The following STRN variants were observed in gnomAD, a reference collection of about 807,000 sequenced individuals.
The protein encoded by STRN is protein phosphatase 2 regulatory subunit B'''alpha.
In STRN, 53 loss-of-function variants were observed where a neutral mutation model predicts 96.3. That is an observed-to-expected ratio of 0.55 (90% CI 0.44 to 0.69). The LOEUF is 0.69. Among genes scored for constraint, STRN ranks in the 30% least tolerant of loss-of-function variants. The pLI is 0.00. For synonymous variants in STRN, 428 were observed against 355.9 expected (o/e 1.20, Z -2.28); for missense variants, 987 against 963.9 (o/e 1.02, Z -0.32).
intron 1 of STRN, among the ~76,000 whole-genome samples, chr2:36,950,447 C>T (rs1308491239): frequency 1.3e-5 from 2 of 152,110 alleles, no homozygotes; most frequent in Non-Finnish European, 2.9e-5. Flanking sequence ...AACTCCTGAC[C>T]TCAGGTGATC....
At chr2:36,913,376 G>C (rs1460992320) in intron 3 of STRN, among the ~76,000 whole-genome samples, 2 of 152,222 alleles carry the variant, frequency 1.3e-5, no homozygotes, top group Admixed American at 1.3e-4. Context: ...AAATGTGCCA[G>C]TCTTACCTCA....
intron 14 of STRN, 24 bp downstream of exon 14, chr2:36,857,831 CA>C (rs772671514): frequency 1.3e-6 from 2 of 1,588,416 alleles, no homozygotes; most frequent in South Asian, 2.3e-5. Context: ...GAGGATTCAG[CA>C]AAATAATTTT....
intron 7 of STRN, among the ~76,000 whole-genome samples, chr2:36,892,599 C>T (rs1341535982): frequency 6.6e-6 from 1 of 152,082 alleles, no homozygotes; most frequent in African/African-American, 2.4e-5. Flanking sequence ...GTTATTCACA[C>T]AACATGAAGA....
At chr2:36,874,191 T>G (rs537103916) in intron 10 of STRN, among the ~76,000 whole-genome samples, 28 of 149,650 alleles carry the variant, frequency 1.9e-4, no homozygotes, top group African/African-American at 5.9e-4. Flanking sequence ...GTGAACTCGG[T>G]AGGCGGAGCT....
At chr2:36,933,456 G>A (rs1281643964) in intron 1 of STRN, among the ~76,000 whole-genome samples, 1 of 152,178 alleles carries the variant, frequency 6.6e-6, no homozygotes, top group African/African-American at 2.4e-5. Flanking sequence ...AATCAAGGGA[G>A]GAATTCTGCA....
intron 1 of STRN, among the ~76,000 whole-genome samples, chr2:36,956,772 C>T (rs1009272521): frequency 5.9e-5 from 9 of 152,192 alleles, no homozygotes; most frequent in Non-Finnish European, 1.3e-4. Context: ...ACTAAATAGG[C>T]ACATCTCTTG....
intron 7 of STRN, among the ~76,000 whole-genome samples, chr2:36,889,631 G>T (rs1160371505): frequency 9.0e-6 from 1 of 111,026 alleles, no homozygotes; most frequent in East Asian, 3.1e-4. Flanking sequence ...GGGGGGTGGG[G>T]GGGAGTAGAG....
In STRN at chr2:36,916,070, T is replaced by C. The variant is rs774694267; in HGVS notation, c.412+8A>G. On this transcript the variant is annotated splice_region_variant and intron_variant, in intron 3 of 17. Coordinates refer to ENST00000263918, the MANE Select transcript of STRN (RefSeq NM_003162.4). ...TTAACACTTAAACTTCCATTAAAAT[T>C]AGCTTACCAGAATCATAGCTTGGAG... 2.5e-6 allele frequency: 4 copies of C among 1,609,524 alleles called. No homozygotes were observed. The highest frequency in any genetic ancestry group is 3.4e-6 in the Non-Finnish European group (4 of 1,177,002).
In STRN at chr2:36,869,700, C is replaced by G. The variant is rs759751534; in HGVS notation, c.1353G>C (p.Lys451Asn). The G allele has an allele frequency of 2.5e-6, 4 of 1,607,800 alleles. No homozygotes were observed. The highest frequency in any genetic ancestry group is 2.2e-5 in the South Asian group (2 of 89,664). The change falls in exon 11 of 18, where the codon AAG becomes AAC. Residue 451 changes from lysine (K) to asparagine (N), a missense_variant. Transcript: ENST00000263918. The stretch of plus-strand genomic sequence containing the variant: ...TCAATGTAAACTTAGGGTTCCATGT[C>G]TTCCTCAATGCATCTTTATTGTTTG... ...DIANNKDALR[K>N]TWNPKFTLRS...
intron 2 of STRN, among the ~76,000 whole-genome samples, chr2:36,918,326 A>G (rs1439549409): frequency 6.6e-6 from 1 of 152,122 alleles, no homozygotes; most frequent in African/African-American, 2.4e-5. Context: ...AACACACTTC[A>G]TTTACCATAA....
Position 36,840,410 on chromosome 2 carries a change from G to A in STRN, c.*9046C>T, listed in dbSNP as rs921642727. The A allele has an allele frequency of 2.6e-5, 4 of 152,094 alleles. No homozygotes were observed. The highest frequency in any genetic ancestry group is 9.7e-5 in the African/African-American group (4 of 41,400). 9.4% of individuals were successfully genotyped at this position (152,094 alleles called of 1,614,324 possible). On this transcript the variant is annotated 3_prime_UTR_variant, in exon 18 of 18. Coordinates refer to ENST00000263918, the MANE Select transcript of STRN (RefSeq NM_003162.4). ...GACTGGAACTGTGCAGTATAAAGAC[G>A]TTGCTACTCAGGCATTTTGTTGCTA...
chr2:36,940,533 A>G (rs1670818578), intron 1 of STRN, among the ~76,000 whole-genome samples: 1 of 152,158 alleles, frequency 6.6e-6, no homozygotes, highest in Non-Finnish European at 1.5e-5. Flanking sequence ...TGTCTTAAAA[A>G]AAGTAAATTA....
At chr2:36,961,431 T>G (rs1442977665) in intron 1 of STRN, among the ~76,000 whole-genome samples, 1 of 152,098 alleles carries the variant, frequency 6.6e-6, no homozygotes, top group East Asian at 1.9e-4. Context: ...CCTGGCCCTC[T>G]AAAAACTGTT....
intron 13 of STRN, among the ~76,000 whole-genome samples, chr2:36,860,201 G>A (rs1172357551): frequency 6.6e-6 from 1 of 152,158 alleles, no homozygotes; most frequent in East Asian, 1.9e-4. Flanking sequence ...CAGTCGCAAA[G>A]AGACAGAGAG....
chr2:36,838,001 T>G lies in STRN; in HGVS notation c.*11455A>C, dbSNP rs575644017. On this transcript the variant is annotated 3_prime_UTR_variant, in exon 18 of 18. Transcript: ENST00000263918. ...CCTCATGTTACTTCCATGGTTGATG[T>G]TACATTGCAGGGCAGAGGGACTTGG... Among the ~76,000 whole-genome samples, 36 of 152,314 alleles carry G rather than the reference T, an allele frequency of 2.4e-4. No individual in the cohort carries two copies. The highest frequency in any genetic ancestry group is 4.4e-4 in the Non-Finnish European group (30 of 68,012).
chr2:36,944,323 G>A (rs1670925682), intron 1 of STRN, among the ~76,000 whole-genome samples: 1 of 152,044 alleles, frequency 6.6e-6, no homozygotes, highest in South Asian at 2.1e-4. Flanking sequence ...CCATCAAGGT[G>A]GGCACTCCTC....
chr2:36,891,240 A>C (rs990074825), intron 7 of STRN, among the ~76,000 whole-genome samples: 2 of 152,138 alleles, frequency 1.3e-5, no homozygotes, highest in Non-Finnish European at 2.9e-5. Context: ...AAGATTCAAC[A>C]AATGGGACAG....
At chr2:36,870,436 A>T (rs1444129287) in intron 10 of STRN, among the ~76,000 whole-genome samples, 6 of 152,188 alleles carry the variant, frequency 3.9e-5, no homozygotes, top group Non-Finnish European at 7.4e-5. Context: ...CTAAGTTTAA[A>T]TAAGGGTAGC....
At position 36,924,094 on chromosome 2, in the gene STRN, C is replaced by T. The variant is rs183661884; in HGVS notation, c.338+1011G>A. Among the ~76,000 whole-genome samples the T allele has an allele frequency of 3.2e-3, 492 of 152,184 alleles. 2 individuals are homozygous for T. The highest frequency in any genetic ancestry group is 4.7e-3 in the Non-Finnish European group (319 of 68,014). On this transcript the variant is annotated intron_variant, in intron 2 of 17. Transcript: ENST00000263918. The stretch of plus-strand genomic sequence containing the variant: ...TCTATAGGCTGGGCATGGTGGCTCA[C>T]GCCTGTAATCCCAGCACTTTGGGAG...
Sources: allele counts gnomAD v4.1 joint callset (sites outside exome capture counted in the v4.1 genomes callset), GRCh38; gene constraint gnomAD v4.1.1; transcripts MANE v1.5; gene names NCBI Gene and HGNC (gene_info 2026-07-23, HGNC 2026-07-21).